LANCL2: variants seen among roughly 807,000 people sequenced by gnomAD.
The protein encoded by LANCL2 is LanC like glutathione S-transferase 2.
LANCL2 carries 33 observed loss-of-function variants against 56.9 expected under a neutral mutation model. The ratio of observed to expected loss-of-function variants is 0.58; its 90% CI spans 0.44 to 0.78. LANCL2 has a LOEUF of 0.78. LANCL2 is among the 30% of genes least tolerant of loss of function. The probability of loss-of-function intolerance (pLI) is 0.00; values close to 1 mark genes in which losing one functional copy is unlikely to be tolerated. For missense variants in LANCL2, 562 were observed against 580.2 expected (o/e 0.97, Z 0.32); for synonymous variants, 233 against 228.2 (o/e 1.02, Z -0.19).
intron 1 of LANCL2, among the ~76,000 whole-genome samples, chr7:55,383,850 A>G (rs148949094): frequency 9.1e-4 from 139 of 152,118 alleles, no homozygotes; most frequent in African/African-American, 3.2e-3. Context: ...CTATATATAT[A>G]TGTGTAATAA....
In LANCL2 at chr7:55,376,488, G is replaced by A. The variant is rs542788707; in HGVS notation, c.204+10259G>A. Among the ~76,000 whole-genome samples the A allele has an allele frequency of 2.7e-4, 41 of 152,202 alleles. No homozygotes were observed. In the South Asian group the frequency reaches 8.1e-3, roughly 30 times the overall value. ...GACGGTACTCCCTCATCAAAGAAAG[G>A]GTCTCCTAGGTCCACCAGGAAGCCC... On this transcript the variant is annotated intron_variant, in intron 1 of 8. Transcript: ENST00000254770.
At chr7:55,372,743 T>C (rs1487458584) in intron 1 of LANCL2, among the ~76,000 whole-genome samples, 1 of 152,236 alleles carries the variant, frequency 6.6e-6, no homozygotes, top group African/African-American at 2.4e-5. Flanking sequence ...TTACATTTTA[T>C]ATTTTCAGTG....
At chr7:55,396,266 CAG>C (rs1422490144) in intron 2 of LANCL2, among the ~76,000 whole-genome samples, 1 of 123,620 alleles carries the variant, frequency 8.1e-6, no homozygotes, top group Non-Finnish European at 1.9e-5. Flanking sequence ...TGGTGAGTAT[CAG>C]AGACAACTCC....
rs894598215 is a variant in LANCL2 at position 55,365,819 on chromosome 7, GC to G, written c.-204del. ...GCCAGGAACAGGGCAGAGGCACAGCGCCCACCGCCTCTGCGGCCGCCTGATG... is the reference window on the plus strand; with the variant it reads ...GCCAGGAACAGGGCAGAGGCACAGCGCCACCGCCTCTGCGGCCGCCTGATG... On this transcript the variant is annotated 5_prime_UTR_variant, in exon 1 of 9. Coordinates refer to ENST00000254770, the MANE Select transcript of LANCL2 (RefSeq NM_018697.4). 24 of 444,784 alleles carry G rather than the reference GC, an allele frequency of 5.4e-5. No individual in the cohort carries two copies. The highest frequency in any genetic ancestry group is 4.7e-4 in the African/African-American group (23 of 48,606). 27.6% of individuals were successfully genotyped at this position (444,784 alleles called of 1,614,324 possible).
intron 5 of LANCL2, among the ~76,000 whole-genome samples, chr7:55,404,909 A>G (rs6974456): frequency 0.29 from 43,964 of 152,114 alleles, 6,840 homozygotes; most frequent in Non-Finnish European, 0.35. Flanking sequence ...AATTTTCTTC[A>G]TGATGCAGGT....
At chr7:55,386,534 C>T (rs1420087998) in intron 1 of LANCL2, among the ~76,000 whole-genome samples, 3 of 152,254 alleles carry the variant, frequency 2.0e-5, no homozygotes, top group Non-Finnish European at 2.9e-5. Context: ...CCAGTAATGC[C>T]AAGGCTGCTG....
chr7:55,427,482 C>CATAG (rs1377241312), intron 7 of LANCL2, among the ~76,000 whole-genome samples: 1 of 152,154 alleles, frequency 6.6e-6, no homozygotes, highest in Non-Finnish European at 1.5e-5. Flanking sequence ...TAAACCAAAG[C>CATAG]ATAGGTTGGG....
chr7:55,381,974 G>C (rs940365118), intron 1 of LANCL2, among the ~76,000 whole-genome samples: 1 of 152,234 alleles, frequency 6.6e-6, no homozygotes, highest in East Asian at 1.9e-4. Context: ...CGCTGGTTGG[G>C]AGGGAAGGAG....
At chr7:55,381,811 A>T (rs1024973088) in intron 1 of LANCL2, among the ~76,000 whole-genome samples, 1 of 152,240 alleles carries the variant, frequency 6.6e-6, no homozygotes, top group Non-Finnish European at 1.5e-5. Context: ...TCTCATCTTC[A>T]GCAAAGAGCA....
chr7:55,394,715 A>G (rs890974866), intron 2 of LANCL2, among the ~76,000 whole-genome samples: 20 of 152,240 alleles, frequency 1.3e-4, no homozygotes, highest in African/African-American at 4.8e-4. Flanking sequence ...CCCAGGGTCC[A>G]GGCATGGCTG....
At chr7:55,430,662 G>A (rs1377281965) in intron 8 of LANCL2, among the ~76,000 whole-genome samples, 1 of 152,214 alleles carries the variant, frequency 6.6e-6, no homozygotes, top group East Asian at 1.9e-4. Context: ...ACCCTGTAAG[G>A]GAGGATTGTT....
intron 5 of LANCL2, among the ~76,000 whole-genome samples, chr7:55,410,645 CT>C (rs1399669369): frequency 6.6e-6 from 1 of 152,212 alleles, no homozygotes; most frequent in East Asian, 1.9e-4. Context: ...GGTTCTCTAT[CT>C]CAGACTTTAG....
chr7:55,409,762 G>A (rs181043415), intron 5 of LANCL2, among the ~76,000 whole-genome samples: 1 of 152,298 alleles, frequency 6.6e-6, no homozygotes, highest in Admixed American at 6.5e-5. Flanking sequence ...CTTATCGAGA[G>A]ACTTTTTACA....
intron 2 of LANCL2, among the ~76,000 whole-genome samples, chr7:55,395,549 C>T (rs1250756753): frequency 2.6e-5 from 4 of 151,772 alleles, no homozygotes; most frequent in Middle Eastern, 3.4e-3. Flanking sequence ...GTCCTTGTGT[C>T]TAGGAAGGGT....
chr7:55,425,485 C>T (rs1026615767), intron 7 of LANCL2, 55 bp downstream of exon 7: 34 of 1,519,478 alleles, frequency 2.2e-5, no homozygotes, highest in Non-Finnish European at 3.1e-5. Context: ...TGCACAGAAT[C>T]CAGAGTCCAG....
chr7:55,419,178 A>G lies in LANCL2; in HGVS notation c.1009-6076A>G, dbSNP rs181545629. 8.2e-4 allele frequency among the ~76,000 whole-genome samples: 125 copies of G among 152,192 alleles called. 1 individual carries two copies. The highest frequency in any genetic ancestry group is 3.9e-3 in the Admixed American group (59 of 15,298). On this transcript the variant is annotated intron_variant, in intron 6 of 8. Coordinates refer to ENST00000254770, the MANE Select transcript of LANCL2 (RefSeq NM_018697.4). ...TCTTATTTTCAGAAAGATTTTGTGT[A>G]CAATTGGTGTTATTACTTGCTTAAA...
At position 55,365,960 on chromosome 7, in the gene LANCL2, G is replaced by C. The variant is rs1254971004; in HGVS notation, c.-66G>C. 7.9e-7 allele frequency: 1 copy of C among 1,268,968 alleles called. No individual in the cohort carries two copies. The highest frequency in any genetic ancestry group is 1.0e-6 in the Non-Finnish European group (1 of 965,222). 78.6% of individuals were successfully genotyped at this position (1,268,968 alleles called of 1,614,324 possible). A position where few individuals can be genotyped will look rare whatever the true frequency, so the allele number is the denominator to read the frequency against. ...TGCGCGGGCCCTCGGAGGAGGCGGC[G>C]GCGGGGCGAGCTGCAGCGCCGGGAC... On this transcript the variant is annotated 5_prime_UTR_variant, in exon 1 of 9. Transcript: ENST00000254770.
chr7:55,384,332 T>A (rs954333176), intron 1 of LANCL2, among the ~76,000 whole-genome samples: 1 of 152,114 alleles, frequency 6.6e-6, no homozygotes, highest in Admixed American at 6.5e-5. Context: ...GGCGGGTGGA[T>A]CACGAGGTCA....
intron 7 of LANCL2, among the ~76,000 whole-genome samples, chr7:55,425,643 A>G (rs1172968657): frequency 2.6e-5 from 4 of 152,198 alleles, no homozygotes; most frequent in African/African-American, 9.7e-5. Context: ...TGGCTTCTGA[A>G]GAATATGTGT....
Sources: allele counts gnomAD v4.1 joint callset (sites outside exome capture counted in the v4.1 genomes callset), GRCh38; gene constraint gnomAD v4.1.1; transcripts MANE v1.5; gene names NCBI Gene and HGNC (gene_info 2026-07-23, HGNC 2026-07-21).